Variants in TRHDE observed in about 807,000 individuals in gnomAD.
TRHDE encodes the protein thyrotropin-releasing hormone-degrading ectoenzyme.
TRHDE carries 72 observed loss-of-function variants against 125.7 expected under a neutral mutation model. That is an observed-to-expected ratio of 0.57 (90% confidence interval 0.47 to 0.70). The LOEUF (loss-of-function observed/expected upper bound fraction) is 0.70. TRHDE is among the 30% of genes least tolerant of loss of function. The pLI, the probability that TRHDE is intolerant of heterozygous loss-of-function variation, is 0.00. For synonymous variants in TRHDE, 509 were observed against 509.1 expected (o/e 1.00, Z 0.00); for missense variants, 1,110 against 1,327.1 (o/e 0.84, Z 2.54).
chr12:72,446,150 CTTT>C (rs34777250), intron 3 of TRHDE, among the ~76,000 whole-genome samples: 3 of 133,292 alleles, frequency 2.3e-5, no homozygotes, highest in African/African-American at 5.5e-5. Flanking sequence ...TTGTGCATTT[CTTT>C]TTTTTTTTTT....
chr12:72,175,332 T>C (rs533176141), intron 2 of TRHDE, among the ~76,000 whole-genome samples: 2 of 152,368 alleles, frequency 1.3e-5, no homozygotes, highest in Admixed American at 1.3e-4. Context: ...AGGATTTCTC[T>C]TCCTTACCAG....
chr12:72,402,179 C>T (rs796943044), intron 3 of TRHDE, among the ~76,000 whole-genome samples: 71 of 151,816 alleles, frequency 4.7e-4, no homozygotes, highest in African/African-American at 1.6e-3. Context: ...TAGGGGTGTC[C>T]AATCTTTTGG....
chr12:72,188,575 T>G lies in TRHDE; in HGVS notation n.279+82823T>G, dbSNP rs572492324. ...AGAGAGTGGCCGGGTTTCAGCAGAC[T>G]ATTGGGCCCTCTGGTGAATTAGCTT... On this transcript the variant is annotated intron_variant and non_coding_transcript_variant, in intron 2 of 4. Transcript: ENST00000548156. Among the ~76,000 whole-genome samples the G allele has an allele frequency of 2.0e-5, 3 of 152,266 alleles. 1 individual carries two copies. In the South Asian group the frequency reaches 6.2e-4, roughly 32 times the overall value.
chr12:72,388,515 C>G lies in TRHDE; in HGVS notation c.1315+10394C>G, dbSNP rs1264041747. On this transcript the variant is annotated intron_variant, in intron 3 of 18. Coordinates refer to ENST00000261180, the MANE Select transcript of TRHDE (RefSeq NM_013381.3). ...TAAATTCTTGTTAAATGAATAATACCTAACTTCTTCCTGTTGTAATCATTT... is the reference window on the plus strand; with the variant it reads ...TAAATTCTTGTTAAATGAATAATACGTAACTTCTTCCTGTTGTAATCATTT... Among the ~76,000 whole-genome samples the G allele has an allele frequency of 3.9e-5, 6 of 152,092 alleles. No individual in the cohort carries two copies. In the East Asian group the frequency reaches 7.7e-4, roughly 20 times the overall value.
At chr12:72,429,998 A>G (rs1321457498) in intron 3 of TRHDE, among the ~76,000 whole-genome samples, 2 of 151,736 alleles carry the variant, frequency 1.3e-5, no homozygotes, top group African/African-American at 2.4e-5. Context: ...TTAAAGCACA[A>G]AATTTTTAAT....
chr12:72,429,790 A>T (rs866234025), intron 3 of TRHDE, among the ~76,000 whole-genome samples: 1 of 152,110 alleles, frequency 6.6e-6, no homozygotes, highest in African/African-American at 2.4e-5. Flanking sequence ...GCATCTTTTC[A>T]TGTATATATT....
intron 2 of TRHDE, among the ~76,000 whole-genome samples, chr12:72,124,748 T>C (rs572248593): frequency 6.6e-6 from 1 of 152,292 alleles, no homozygotes; most frequent in South Asian, 2.1e-4. Flanking sequence ...GCAAAGTTTT[T>C]GAACTGTACA....
intron 2 of TRHDE, among the ~76,000 whole-genome samples, chr12:72,373,186 CTGTT>C (rs1871695656): frequency 1.3e-5 from 2 of 152,208 alleles, no homozygotes; most frequent in East Asian, 1.9e-4. Context: ...ATTTGGCTCT[CTGTT>C]TGTCTGTTAT....
chr12:72,479,859 G>A (rs1330942101), intron 5 of TRHDE, among the ~76,000 whole-genome samples: 1 of 136,286 alleles, frequency 7.3e-6, no homozygotes, highest in Non-Finnish European at 1.5e-5. Flanking sequence ...TCCCCTTCCT[G>A]TGTCCATGTG....
At chr12:72,522,510 C>G (rs1213485742) in intron 6 of TRHDE, among the ~76,000 whole-genome samples, 2 of 152,108 alleles carry the variant, frequency 1.3e-5, no homozygotes, top group Non-Finnish European at 2.9e-5. Context: ...AATTGAATTT[C>G]TAATTGCTTC....
intron 2 of TRHDE, among the ~76,000 whole-genome samples, chr12:72,118,315 T>C (rs1184559322): frequency 6.6e-6 from 1 of 152,212 alleles, no homozygotes; most frequent in Non-Finnish European, 1.5e-5. Flanking sequence ...AATGATCATA[T>C]AGTTTTTGTC....
intron 3 of TRHDE, among the ~76,000 whole-genome samples, chr12:72,434,634 G>A (rs933502449): frequency 5.3e-5 from 8 of 152,100 alleles, no homozygotes; most frequent in African/African-American, 1.9e-4. Context: ...CCAATTTGGA[G>A]AAGCATGGAC....
intron 2 of TRHDE, among the ~76,000 whole-genome samples, chr12:72,367,549 A>G (rs1433530309): frequency 6.6e-6 from 1 of 152,030 alleles, no homozygotes; most frequent in Non-Finnish European, 1.5e-5. Context: ...AGAAAAAAAA[A>G]TGTTATCTTC....
chr12:72,185,270 G>T (rs2139344372), intron 2 of TRHDE, among the ~76,000 whole-genome samples: 1 of 152,342 alleles, frequency 6.6e-6, no homozygotes, highest in South Asian at 2.1e-4. Context: ...CCGGGCCTTA[G>T]CTGGCTTCCC....
rs1879361157 is a variant in TRHDE at position 72,273,713 on chromosome 12, C to T, written c.914+156C>T. On this transcript the variant is annotated intron_variant, in intron 1 of 18. Coordinates refer to ENST00000261180, the MANE Select transcript of TRHDE (RefSeq NM_013381.3). The surrounding 1 kb of genome is among the most constrained non-coding windows in gnomAD (Gnocchi z 5.3). ...AAGCGGAGTAGGGCAGTCAGAACTC[C>T]GGGGTCTCCCAGATGCCTCGGGGTC... 4 of 671,286 alleles carry T rather than the reference C, an allele frequency of 6.0e-6. No individual in the cohort carries two copies. Among genetic ancestry groups the T allele is most frequent in the Admixed American group, 2.8e-5 (1 of 35,158 alleles). The allele number at this position is 671,286 out of a possible 1,614,324, so 41.6% of individuals were successfully genotyped here.
chr12:72,262,454 A>G (rs1878972203), intron 2 of TRHDE: 1 of 152,210 alleles, frequency 6.6e-6, no homozygotes, highest in South Asian at 2.1e-4. Context: ...TTGGATGATT[A>G]TCACATCAGC....
chr12:72,570,578 CA>C (rs572094533), intron 10 of TRHDE, among the ~76,000 whole-genome samples: 160 of 58,450 alleles, frequency 2.7e-3, no homozygotes, highest in South Asian at 5.6e-3. Context: ...GAGACTGTCT[CA>C]AAAAAAAAAA....
chr12:72,095,726 G>T (rs1219473376), intron 1 of TRHDE, among the ~76,000 whole-genome samples: 1 of 152,198 alleles, frequency 6.6e-6, no homozygotes, highest in Non-Finnish European at 1.5e-5. Flanking sequence ...CTGACATGAA[G>T]AAATTTGCTA....
intron 13 of TRHDE, 84 bp downstream of exon 13, chr12:72,619,122 CAA>C: frequency 9.4e-7 from 1 of 1,067,322 alleles, no homozygotes; most frequent in Non-Finnish European, 1.3e-6. Context: ...CAACTGATGC[CAA>C]GTTATTTTAG....
Sources: allele counts gnomAD v4.1 joint callset (sites outside exome capture counted in the v4.1 genomes callset), GRCh38; gene constraint gnomAD v4.1.1; non-coding constraint Gnocchi (gnomAD v3.1); transcripts MANE v1.5; gene names NCBI Gene and HGNC (gene_info 2026-07-23, HGNC 2026-07-21).